The following ALS2 variants were observed in gnomAD, a reference collection of about 807,000 sequenced individuals.
The protein encoded by ALS2 is alsin Rho guanine nucleotide exchange factor ALS2.
In ALS2, 117 loss-of-function variants were observed where a neutral mutation model predicts 203.4. That is an observed-to-expected ratio of 0.58 (90% CI 0.50 to 0.67). ALS2 has a LOEUF of 0.67. Ranked by LOEUF, ALS2 falls within the 30% of genes least tolerant of loss-of-function variation. The pLI is 0.00. For missense variants in ALS2, 1,715 were observed against 1,989.4 expected (o/e 0.86, Z 2.62); for synonymous variants, 718 against 725.9 (o/e 0.99, Z 0.17).
In ALS2 at chr2:201,718,060, T is replaced by C; in HGVS notation, c.3836+17A>G. 6.2e-7 allele frequency: 1 copy of C among 1,611,654 alleles called. No individual in the cohort carries two copies. The highest frequency in any genetic ancestry group is 8.5e-7 in the Non-Finnish European group (1 of 1,177,992). On this transcript the variant is annotated intron_variant, in intron 24 of 33. Coordinates refer to ENST00000264276, the MANE Select transcript of ALS2 (RefSeq NM_020919.4). ...AAACATTCAATAATTAATCCAGAAT[T>C]AACACTAGTTACTCACAAAACTTTA...
Position 201,727,696 on chromosome 2 carries a change from C to T in ALS2, c.2912+9G>A, listed in dbSNP as rs543664811. 24 of 1,550,876 alleles carry T rather than the reference C, an allele frequency of 1.5e-5. No homozygotes were observed. The highest frequency in any genetic ancestry group is 1.7e-4 in the Middle Eastern group (1 of 5,984). ...GACGGGGTGGGGTGGGGAGGGGGGACGCACTTACACACCACCAGCTTCTTC... is the reference window on the plus strand; with the variant it reads ...GACGGGGTGGGGTGGGGAGGGGGGATGCACTTACACACCACCAGCTTCTTC... On this transcript the variant is annotated intron_variant, in intron 16 of 33. Transcript: ENST00000264276.
intron 12 of ALS2, among the ~76,000 whole-genome samples, chr2:201,736,075 T>C (rs1395710004): frequency 6.6e-6 from 1 of 151,870 alleles, no homozygotes; most frequent in Non-Finnish European, 1.5e-5. Context: ...ATATTTAAAA[T>C]AATAAATATA....
At chr2:201,758,961 T>C (rs1183453734) in intron 4 of ALS2, among the ~76,000 whole-genome samples, 1 of 152,174 alleles carries the variant, frequency 6.6e-6, no homozygotes, top group African/African-American at 2.4e-5. Context: ...ATATACTTAA[T>C]AAAACGAAAA....
intron 7 of ALS2, among the ~76,000 whole-genome samples, chr2:201,752,730 A>C (rs1348801837): frequency 6.6e-6 from 1 of 152,170 alleles, no homozygotes; most frequent in Non-Finnish European, 1.5e-5. Flanking sequence ...GTTTTTAGTA[A>C]TGCTAGAGGT....
chr2:201,729,951 CTCTT>C (rs1401914356), intron 13 of ALS2, among the ~76,000 whole-genome samples: 1 of 147,444 alleles, frequency 6.8e-6, no homozygotes, highest in African/African-American at 2.5e-5. Context: ...TTTTTCAAAT[CTCTT>C]TATTATCTGG....
In ALS2 at chr2:201,725,447, C is replaced by G; in HGVS notation, c.3256G>C (p.Glu1086Gln). Residue 1086 changes from glutamate (E) to glutamine (Q), a missense_variant, in exon 20 of 34, where the codon GAA (glutamate) becomes CAA (glutamine). Physicochemically the swap from Glu to Gln is conservative, Grantham distance 29. Transcript: ENST00000264276. ...ATTGCCTTGTTTGGGATTCTGTATT[C>G]TCCATACCTGCCATGAAAAAGAAAA... ...FRNGLEDGYGEYRIPNKAMNK... is the reference protein window; with the variant it reads ...FRNGLEDGYGQYRIPNKAMNK... 6.2e-7 allele frequency: 1 copy of G among 1,613,328 alleles called. No individual in the cohort carries two copies. The highest frequency in any genetic ancestry group is 8.5e-7 in the Non-Finnish European group (1 of 1,179,424).
chr2:201,716,056 A>G (rs1690369511), intron 24 of ALS2, among the ~76,000 whole-genome samples: 1 of 152,226 alleles, frequency 6.6e-6, no homozygotes, highest in South Asian at 2.1e-4. Flanking sequence ...ATGGAATACT[A>G]AGTACAAAGC....
chr2:201,733,682 T>C (rs1424123081), intron 12 of ALS2, among the ~76,000 whole-genome samples: 2 of 152,226 alleles, frequency 1.3e-5, no homozygotes, highest in Non-Finnish European at 2.9e-5. Context: ...GACTTGTGCC[T>C]ATATTCTAGG....
At position 201,760,651 on chromosome 2, in the gene ALS2, G is replaced by C. The variant is rs1031323205; in HGVS notation, c.1113+230C>G. 2.3e-6 allele frequency: 3 copies of C among 1,326,056 alleles called. No homozygotes were observed. The African/African-American group carries it at 4.5e-5, about 20-fold the overall frequency. The allele number at this position is 1,326,056 out of a possible 1,614,324, so 82.1% of individuals were successfully genotyped here. Reference sequence around the variant, plus strand: ...TGAAATGCTCCTACTTATAAAACAAGCCCAACATGACACCTTTCAATATCA... The same window carrying C: ...TGAAATGCTCCTACTTATAAAACAACCCCAACATGACACCTTTCAATATCA... On this transcript the variant is annotated intron_variant, in intron 4 of 33. Coordinates refer to ENST00000264276, the MANE Select transcript of ALS2 (RefSeq NM_020919.4).
intron 11 of ALS2, chr2:201,741,435 C>T (rs971938618): frequency 4.8e-5 from 22 of 457,102 alleles, no homozygotes; most frequent in African/African-American, 4.1e-4. Context: ...ATTATGCTAT[C>T]ACTCTGCTAG....
chr2:201,711,905 C>T (rs1690053616), intron 25 of ALS2, among the ~76,000 whole-genome samples: 1 of 152,142 alleles, frequency 6.6e-6, no homozygotes, highest in African/African-American at 2.4e-5. Flanking sequence ...GGGCTAAAGT[C>T]TTAAGGTCGA....
At chr2:201,767,467 T>C (rs1694149103) in intron 2 of ALS2, 84 bp from the exon 3 acceptor site, 8 of 1,466,834 alleles carry the variant, frequency 5.5e-6, no homozygotes, top group Non-Finnish European at 7.5e-6. Context: ...TGATTGTACC[T>C]TTTACCAGCA....
chr2:201,705,944 G>T (rs1157902863), intron 29 of ALS2, among the ~76,000 whole-genome samples: 1 of 54,320 alleles, frequency 1.8e-5, no homozygotes, highest in South Asian at 1.2e-3. Flanking sequence ...GCAAGACTCC[G>T]TCTCAAAAAA....
intron 21 of ALS2, 63 bp downstream of exon 21, chr2:201,724,232 G>A: frequency 1.3e-6 from 2 of 1,527,900 alleles, no homozygotes; most frequent in South Asian, 2.2e-5. Context: ...TAAACTGCTT[G>A]TTAAATAATG....
intron 13 of ALS2, among the ~76,000 whole-genome samples, chr2:201,731,119 G>A (rs947133096): frequency 2.6e-5 from 4 of 152,042 alleles, no homozygotes; most frequent in Non-Finnish European, 4.4e-5. Flanking sequence ...GATCTCTCAC[G>A]TTTATGAGTA....
At chr2:201,780,671 G>A (rs923409474) in intron 1 of ALS2, among the ~76,000 whole-genome samples, 1 of 152,212 alleles carries the variant, frequency 6.6e-6, no homozygotes, top group East Asian at 1.9e-4. Flanking sequence ...GGGCCGCCTC[G>A]GGCGCTGCTG....
chr2:201,761,526 C>T lies in ALS2; in HGVS notation c.468G>A (p.Ala156=), dbSNP rs145506395. Residue 156 remains alanine, a synonymous_variant, in exon 4 of 34, where the codon GCG becomes GCA. Transcript: ENST00000264276. ...PLLAVRILQL[A]CGEEHTLALS... ...ATGCCAGAGTGTGCTCCTCGCCACACGCCAACTGTAAAATCCTGACTGCTA... is the reference window on the plus strand; with the variant it reads ...ATGCCAGAGTGTGCTCCTCGCCACATGCCAACTGTAAAATCCTGACTGCTA... The T allele has an allele frequency of 2.8e-5, 46 of 1,614,138 alleles. No individual in the cohort carries two copies. The highest frequency in any genetic ancestry group is 1.6e-4 in the Middle Eastern group (1 of 6,062).
At chr2:201,754,215 G>C (rs1031355006) in intron 6 of ALS2, among the ~76,000 whole-genome samples, 3 of 151,968 alleles carry the variant, frequency 2.0e-5, no homozygotes, top group African/African-American at 7.3e-5. Flanking sequence ...GTTTTGCCAT[G>C]TTGGCCAGCC....
intron 1 of ALS2, among the ~76,000 whole-genome samples, chr2:201,772,771 T>C (rs1694459435): frequency 6.6e-6 from 1 of 152,132 alleles, no homozygotes; most frequent in African/African-American, 2.4e-5. Context: ...TTTATGTACT[T>C]TGAACATTTA....
Sources: allele counts gnomAD v4.1 joint callset (sites outside exome capture counted in the v4.1 genomes callset), GRCh38; gene constraint gnomAD v4.1.1; transcripts MANE v1.5; gene names NCBI Gene and HGNC (gene_info 2026-07-23, HGNC 2026-07-21).